The following NXPE2 variants were observed in gnomAD, a reference collection of about 807,000 sequenced individuals.
NXPE2 encodes NXPE family member 2.
In NXPE2, 34 loss-of-function variants were observed where a neutral mutation model predicts 34.4. That is an observed-to-expected ratio of 0.99 (90% CI 0.75 to 1.31). NXPE2 has a LOEUF of 1.31. Ranked by LOEUF, NXPE2 falls within the 40% of genes most tolerant of loss-of-function variation. The pLI, the probability that NXPE2 is intolerant of heterozygous loss-of-function variation, is 0.00. For synonymous variants in NXPE2, 235 were observed against 231.3 expected, an observed-to-expected ratio of 1.02 and a Z score of -0.15; for missense variants, 649 against 672.5, an observed-to-expected ratio of 0.97 and a Z score of 0.39.
the NXPE2 span, among the ~76,000 whole-genome samples, chr11:114,520,092 G>T: frequency 6.6e-6 from 1 of 152,012 alleles, no homozygotes; most frequent in African/African-American, 2.4e-5. Context: ...GTAAGCCACC[G>T]TGCCTGGCCA....
intron 3 of NXPE2, among the ~76,000 whole-genome samples, chr11:114,699,537 A>G (rs1256285109): frequency 1.3e-5 from 2 of 152,116 alleles, no homozygotes; most frequent in African/African-American, 4.8e-5. Flanking sequence ...CTGTCCGTCA[A>G]TGGAACTCCT....
the NXPE2 span, among the ~76,000 whole-genome samples, chr11:114,646,750 G>A: frequency 6.6e-6 from 1 of 152,086 alleles, no homozygotes; most frequent in East Asian, 1.9e-4. Flanking sequence ...AATATAATAA[G>A]TTTTGTCTTT....
the NXPE2 span, among the ~76,000 whole-genome samples, chr11:114,640,271 A>G: frequency 1.1e-3 from 159 of 143,768 alleles, 1 homozygote; most frequent in Non-Finnish European, 2.0e-3. Context: ...AGTATATAAT[A>G]TATAATACAT....
At chr11:114,709,917 A>T (rs1173892209), downstream of NXPE2, among the ~76,000 whole-genome samples, 3 of 147,142 alleles carry the variant, frequency 2.0e-5, no homozygotes, top group Non-Finnish European at 3.1e-5. Flanking sequence ...ACAAAAAAGA[A>T]AAAAAAAAAG....
the NXPE2 span, among the ~76,000 whole-genome samples, chr11:114,644,993 T>A: frequency 6.6e-6 from 1 of 151,618 alleles, no homozygotes; most frequent in African/African-American, 2.4e-5. Context: ...TAATAAATGA[T>A]TATTCACACT....
the NXPE2 span, among the ~76,000 whole-genome samples, chr11:114,772,113 T>C: frequency 1.3e-5 from 2 of 152,194 alleles, no homozygotes; most frequent in African/African-American, 4.8e-5. Flanking sequence ...GCTGTGGTCG[T>C]AAATGTCCAT....
At chr11:114,612,165 T>C in the NXPE2 span, among the ~76,000 whole-genome samples, 1 of 151,702 alleles carries the variant, frequency 6.6e-6, no homozygotes, top group South Asian at 2.1e-4. Context: ...GCCCAGTGGA[T>C]AATAAGTGTT....
chr11:114,537,884 C>A, the NXPE2 span, among the ~76,000 whole-genome samples: 1 of 151,978 alleles, frequency 6.6e-6, no homozygotes, highest in Non-Finnish European at 1.5e-5. Flanking sequence ...TCAATGCCAT[C>A]CCCATCAAGC....
the NXPE2 span, among the ~76,000 whole-genome samples, chr11:114,785,553 G>C: frequency 3.3e-5 from 5 of 152,126 alleles, no homozygotes; most frequent in African/African-American, 1.2e-4. Flanking sequence ...TCTATGGTGT[G>C]TGTCTTTAGC....
the NXPE2 span, among the ~76,000 whole-genome samples, chr11:114,669,644 C>T: frequency 6.6e-6 from 1 of 152,064 alleles, no homozygotes; most frequent in Admixed American, 6.6e-5. Flanking sequence ...GAGAAATGGG[C>T]CACTGTCACT....
the NXPE2 span, among the ~76,000 whole-genome samples, chr11:114,536,380 A>G: frequency 6.6e-6 from 1 of 152,232 alleles, no homozygotes; most frequent in African/African-American, 2.4e-5. Context: ...GAACTAGAGA[A>G]GCAAGAGCAA....
chr11:114,467,532 A>C, the NXPE2 span, among the ~76,000 whole-genome samples: 291 of 152,302 alleles, frequency 1.9e-3, no homozygotes, highest in African/African-American at 6.8e-3. Context: ...AGCCCTGGAA[A>C]TAGGGAAGAA....
chr11:114,688,532 T>C (rs1047014414), intron 2 of NXPE2, among the ~76,000 whole-genome samples: 3 of 152,048 alleles, frequency 2.0e-5, no homozygotes, highest in African/African-American at 4.8e-5. Context: ...TCAGAAATAT[T>C]TGTCTGTAAG....
At chr11:114,609,732 AT>A in the NXPE2 span, among the ~76,000 whole-genome samples, 2 of 150,836 alleles carry the variant, frequency 1.3e-5, no homozygotes, top group Non-Finnish European at 3.0e-5. Context: ...GTATTGCCTC[AT>A]GGATAACCAC....
At chr11:114,665,824 A>G in the NXPE2 span, among the ~76,000 whole-genome samples, 1 of 152,168 alleles carries the variant, frequency 6.6e-6, no homozygotes, top group Admixed American at 6.6e-5. Context: ...ACATTACTGT[A>G]ACTACTTGAA....
chr11:114,582,517 T>A, the NXPE2 span: 3 of 1,614,182 alleles, frequency 1.9e-6, no homozygotes, highest in Non-Finnish European at 2.5e-6. Context: ...AAGATCACCC[T>A]GTCATAGCCT....
chr11:114,489,961 G>A, the NXPE2 span, among the ~76,000 whole-genome samples: 2,408 of 152,162 alleles, frequency 0.016, 68 homozygotes, highest in African/African-American at 0.056. Context: ...AGAAAACCCC[G>A]TCGTCTCAGC....
the NXPE2 span, chr11:114,554,123 A>G: frequency 1.0e-6 from 1 of 985,368 alleles, no homozygotes; most frequent in South Asian, 4.7e-5. Context: ...ATGCTTCTAT[A>G]TGGTCATCCT....
the NXPE2 span, among the ~76,000 whole-genome samples, chr11:114,493,725 C>G: frequency 6.6e-6 from 1 of 151,988 alleles, no homozygotes; most frequent in South Asian, 2.1e-4. Flanking sequence ...AGTCTTTCTA[C>G]TCATGATATA....
Sources: gnomAD v4.1 joint callset for allele counts (sites outside exome capture counted in the v4.1 genomes callset) on GRCh38, gnomAD v4.1.1 for gene constraint, MANE v1.5 for transcripts, NCBI Gene and HGNC (gene_info 2026-07-23, HGNC 2026-07-21) for gene names.